The following SNX10 variants were observed in gnomAD, a reference collection of about 807,000 sequenced individuals.
SNX10 encodes sorting nexin 10.
SNX10 carries 25 observed loss-of-function variants against 28.5 expected under a neutral mutation model. The ratio of observed to expected loss-of-function variants is 0.88; its 90% CI spans 0.64 to 1.22. The LOEUF (loss-of-function observed/expected upper bound fraction) is 1.22. Among genes scored for constraint, SNX10 ranks in the 50% most tolerant of loss-of-function variants. SNX10 has a pLI of 0.00. For synonymous variants in SNX10, 62 were observed against 81.4 expected (o/e 0.76, Z 1.28); for missense variants, 223 against 242.6 (o/e 0.92, Z 0.54).
chr7:26,371,713 A>G, intron 5 of SNX10, 108 bp from the exon 6 acceptor site: 1 of 757,882 alleles, frequency 1.3e-6, no homozygotes, highest in Non-Finnish European at 2.2e-6. Flanking sequence ...AAAGTTTACC[A>G]CAGTAGAGAA....
Position 26,364,385 on chromosome 7 carries a change from A to C in SNX10, c.112-150A>C. The C allele has an allele frequency of 7.2e-7, 1 of 1,382,928 alleles. No individual in the cohort carries two copies. Among genetic ancestry groups the C allele is most frequent in the Non-Finnish European group, 9.4e-7 (1 of 1,069,272 alleles). 85.7% of individuals were successfully genotyped at this position (1,382,928 alleles called of 1,614,324 possible). On this transcript the variant is annotated intron_variant, in intron 3 of 6. Coordinates refer to ENST00000338523, the MANE Select transcript of SNX10 (RefSeq NM_013322.3). This position sits in a 1 kb window ranked among gnomAD's most constrained non-coding sequence, Gnocchi z 4.9. Reference sequence around the variant, plus strand: ...CTGTTATGTTCCTGGGTTATGTGCAAGATTTCAGAGTACTGGCATAAATAT... The same window carrying C: ...CTGTTATGTTCCTGGGTTATGTGCACGATTTCAGAGTACTGGCATAAATAT...
chr7:26,344,632 T>G (rs1182134261), intron 1 of SNX10, among the ~76,000 whole-genome samples: 2 of 152,192 alleles, frequency 1.3e-5, no homozygotes, highest in African/African-American at 4.8e-5. Flanking sequence ...CAGTTCCACA[T>G]TATAATTAGG....
chr7:26,301,520 A>T (rs1030549696), intron 1 of SNX10, among the ~76,000 whole-genome samples: 8 of 152,216 alleles, frequency 5.3e-5, no homozygotes, highest in African/African-American at 1.9e-4. Context: ...GGGGGCACCA[A>T]AGGCCAAAGA....
chr7:26,354,224 C>T (rs1037787451), intron 2 of SNX10: 3 of 152,240 alleles, frequency 2.0e-5, no homozygotes, highest in Non-Finnish European at 2.9e-5. Context: ...TTGTATTTCC[C>T]TAGTGGTTAA....
intron 1 of SNX10, among the ~76,000 whole-genome samples, chr7:26,303,534 C>T (rs754037804): frequency 2.6e-5 from 4 of 152,152 alleles, no homozygotes; most frequent in African/African-American, 7.2e-5. Flanking sequence ...TTCATCATGC[C>T]GAACTCCTCA....
At chr7:26,344,519 G>A (rs114132869) in intron 1 of SNX10, among the ~76,000 whole-genome samples, 2,596 of 152,252 alleles carry the variant, frequency 0.017, 83 homozygotes, top group African/African-American at 0.06. Flanking sequence ...GAATCATACG[G>A]TGTCTGTCTT....
intron 2 of SNX10, 67 bp from the exon 3 acceptor site, chr7:26,360,908 T>C (rs1789036975): frequency 1.3e-6 from 2 of 1,590,400 alleles, no homozygotes. Context: ...GCAGTCGTTT[T>C]GTTCAGTTCT....
At chr7:26,337,415 A>G (rs1202078045) in intron 1 of SNX10, among the ~76,000 whole-genome samples, 1 of 152,214 alleles carries the variant, frequency 6.6e-6, no homozygotes, top group Non-Finnish European at 1.5e-5. Context: ...CACAGAAGTG[A>G]AACTCTGTAT....
intron 1 of SNX10, among the ~76,000 whole-genome samples, chr7:26,325,399 A>G (rs1258739497): frequency 6.9e-6 from 1 of 144,604 alleles, no homozygotes. Flanking sequence ...CTGCAACCTC[A>G]GCCTCCCAGG....
chr7:26,372,846 T>G lies in SNX10; in HGVS notation c.*274T>G, dbSNP rs938290850. On this transcript the variant is annotated 3_prime_UTR_variant, in exon 7 of 7. Coordinates refer to ENST00000338523, the MANE Select transcript of SNX10 (RefSeq NM_013322.3). ...GATCTTGCCCTCCAATGAAATGACT[T>G]ACATGTTTTAAAAAACCGAGTTGGT... The G allele has an allele frequency of 2.3e-5, 7 of 302,356 alleles. No homozygotes were observed. Among genetic ancestry groups the G allele is most frequent in the African/African-American group, 1.1e-4 (5 of 45,908 alleles). The allele number at this position is 302,356 out of a possible 1,614,324, so 18.7% of individuals were successfully genotyped here.
intron 1 of SNX10, among the ~76,000 whole-genome samples, chr7:26,327,584 A>G (rs1338159658): frequency 6.6e-6 from 1 of 152,082 alleles, no homozygotes; most frequent in Non-Finnish European, 1.5e-5. Flanking sequence ...TTGTTGCCTG[A>G]TGCTTGTACC....
intron 3 of SNX10, 96 bp downstream of exon 3, chr7:26,361,157 C>T (rs71521763): frequency 0.021 from 25,483 of 1,227,714 alleles, 1,059 homozygotes; most frequent in African/African-American, 0.16. Context: ...TTTTCTCATT[C>T]AAATAACTGA....
intron 2 of SNX10, among the ~76,000 whole-genome samples, chr7:26,350,464 A>T (rs1788552474): frequency 1.3e-5 from 2 of 152,122 alleles, no homozygotes; most frequent in African/African-American, 4.8e-5. Context: ...AATATTTTGG[A>T]CTTCCTCTAG....
intron 1 of SNX10, among the ~76,000 whole-genome samples, chr7:26,337,804 T>C (rs1189169770): frequency 6.6e-6 from 1 of 152,248 alleles, no homozygotes; most frequent in Non-Finnish European, 1.5e-5. Flanking sequence ...GAGAGCCTGC[T>C]TTCAGCTCTT....
intron 1 of SNX10, among the ~76,000 whole-genome samples, chr7:26,327,895 A>G (rs1165055660): frequency 6.9e-6 from 1 of 145,560 alleles, no homozygotes; most frequent in Non-Finnish European, 1.5e-5. Context: ...ACACCCAGCT[A>G]TTTTTTTTTT....
At chr7:26,342,440 A>G (rs1754665700) in intron 1 of SNX10, among the ~76,000 whole-genome samples, 1 of 152,172 alleles carries the variant, frequency 6.6e-6, no homozygotes, top group African/African-American at 2.4e-5. Context: ...CCACCAGTAA[A>G]TGCCATGGCA....
chr7:26,328,735 A>C (rs762268196), intron 1 of SNX10, among the ~76,000 whole-genome samples: 2 of 152,044 alleles, frequency 1.3e-5, no homozygotes, highest in Non-Finnish European at 2.9e-5. Flanking sequence ...GGCAGTACAG[A>C]AGTGGGGAGA....
intron 1 of SNX10, among the ~76,000 whole-genome samples, chr7:26,329,917 G>A (rs1292374387): frequency 6.6e-6 from 1 of 152,082 alleles, no homozygotes; most frequent in African/African-American, 2.4e-5. Flanking sequence ...GCAGAGGGAG[G>A]GCATGTGACA....
At position 26,316,590 on chromosome 7, in the gene SNX10, G is replaced by A. The variant is rs143101662; in HGVS notation, c.-24+24504G>A. 1.1e-4 allele frequency among the ~76,000 whole-genome samples: 17 copies of A among 152,322 alleles called. No homozygotes were observed. The East Asian group carries it at 3.3e-3, about 29-fold the overall frequency. ...AGCAATTACTATGTGCTTGTTATGA[G>A]CCAGGCTTTAGGCCAGGTGTTTTAT... On this transcript the variant is annotated intron_variant, in intron 1 of 6. Coordinates refer to ENST00000338523, the MANE Select transcript of SNX10 (RefSeq NM_013322.3).
Sources: gnomAD v4.1 joint callset for allele counts (sites outside exome capture counted in the v4.1 genomes callset) on GRCh38, gnomAD v4.1.1 for gene constraint, Gnocchi (gnomAD v3.1) non-coding constraint, MANE v1.5 for transcripts, NCBI Gene and HGNC (gene_info 2026-07-23, HGNC 2026-07-21) for gene names.